The following CNOT10 variants were observed in gnomAD, a reference collection of about 807,000 sequenced individuals.
CNOT10 encodes the protein CCR4-NOT transcription complex, subunit 10.
Under a neutral mutation model 94.6 loss-of-function variants are expected in CNOT10, and 30 were observed. The ratio of observed to expected loss-of-function variants is 0.32; its 90% CI spans 0.24 to 0.43. CNOT10 has a LOEUF of 0.43. Among genes scored for constraint, CNOT10 ranks in the 20% least tolerant of loss-of-function variants. The probability of loss-of-function intolerance (pLI) is 1.00; values close to 1 mark genes in which losing one functional copy is unlikely to be tolerated. For synonymous variants in CNOT10, 289 were observed against 301.6 expected, an observed-to-expected ratio of 0.96 and a Z score of 0.43; for missense variants, 759 against 877.2, an observed-to-expected ratio of 0.87 and a Z score of 1.70.
intron 17 of CNOT10, chr3:32,769,596 C>T: frequency 3.3e-6 from 1 of 300,238 alleles, no homozygotes; most frequent in South Asian, 6.4e-5. Flanking sequence ...GATGTAATTG[C>T]AACTGTATGT....
At chr3:32,770,725 G>C (rs1184565812) in intron 18 of CNOT10, among the ~76,000 whole-genome samples, 1 of 137,706 alleles carries the variant, frequency 7.3e-6, no homozygotes, top group East Asian at 2.2e-4. Flanking sequence ...TTTCTTTTTT[G>C]AGATGGAGTC....
Position 32,685,290 on chromosome 3 carries a change from C to A in CNOT10, c.-171C>A. ...GCTGTTGCTAGACGACGGGAACTAG[C>A]TCTCGTCACTTCCTCAGCCCGCCGT... On this transcript the variant is annotated 5_prime_UTR_variant, in exon 1 of 19. Coordinates refer to ENST00000328834, the MANE Select transcript of CNOT10 (RefSeq NM_015442.3). 1 of 643,126 alleles carries A rather than the reference C, an allele frequency of 1.6e-6. No individual in the cohort carries two copies. The allele number at this position is 643,126 out of a possible 1,614,324, so 39.8% of individuals were successfully genotyped here. A position where few individuals can be genotyped will look rare whatever the true frequency, so the allele number is the denominator to read the frequency against.
At chr3:32,735,533 C>T (rs565432409) in intron 12 of CNOT10, among the ~76,000 whole-genome samples, 1 of 151,996 alleles carries the variant, frequency 6.6e-6, no homozygotes, top group South Asian at 2.1e-4. Context: ...ATGGTGAAAC[C>T]CCGTCTCTAC....
At chr3:32,702,366 C>T (rs1396320229) in intron 1 of CNOT10, among the ~76,000 whole-genome samples, 2 of 152,104 alleles carry the variant, frequency 1.3e-5, no homozygotes, top group Admixed American at 6.5e-5. Flanking sequence ...GAGATTTTTA[C>T]CTTTATTTTG....
intron 1 of CNOT10, among the ~76,000 whole-genome samples, chr3:32,691,412 C>T (rs1294887593): frequency 4.6e-5 from 7 of 152,174 alleles, no homozygotes; most frequent in East Asian, 3.9e-4. Context: ...CCACCCACCT[C>T]GACCTCCCAA....
chr3:32,761,861 C>T (rs1700461783), intron 14 of CNOT10, among the ~76,000 whole-genome samples: 1 of 147,858 alleles, frequency 6.8e-6, no homozygotes, highest in South Asian at 2.2e-4. Context: ...CAGCTTCCAT[C>T]TCCCGGGTTC....
chr3:32,770,070 A>G (rs775098738), intron 18 of CNOT10, 108 bp downstream of exon 18: 5 of 801,146 alleles, frequency 6.2e-6, no homozygotes, highest in African/African-American at 1.7e-5. Flanking sequence ...CAGTGGTACC[A>G]TCAGAGCTCA....
At chr3:32,764,432 G>A in intron 15 of CNOT10, 23 bp from the exon 16 acceptor site, 1 of 1,613,082 alleles carries the variant, frequency 6.2e-7, no homozygotes. Context: ...CTGCCCCTCA[G>A]ATTTATTTTC....
intron 13 of CNOT10, among the ~76,000 whole-genome samples, chr3:32,737,983 C>T (rs1397885744): frequency 1.3e-5 from 2 of 152,088 alleles, no homozygotes; most frequent in Non-Finnish European, 2.9e-5. Flanking sequence ...GGAATAAGTG[C>T]TTCTATATCC....
intron 13 of CNOT10, 33 bp from the exon 14 acceptor site, chr3:32,759,424 TG>T: frequency 7.3e-7 from 1 of 1,364,232 alleles, no homozygotes; most frequent in Non-Finnish European, 1.0e-6. Context: ...ATGTTTAAAA[TG>T]AGATTTTCGG....
intron 1 of CNOT10, among the ~76,000 whole-genome samples, chr3:32,688,002 T>G (rs375163176): frequency 6.6e-6 from 1 of 152,168 alleles, no homozygotes; most frequent in Non-Finnish European, 1.5e-5. Flanking sequence ...GTGTGTGTGT[T>G]CTTCATCAGG....
chr3:32,699,823 A>T (rs1385917627), intron 1 of CNOT10, among the ~76,000 whole-genome samples: 1 of 152,060 alleles, frequency 6.6e-6, no homozygotes, highest in Non-Finnish European at 1.5e-5. Flanking sequence ...AACCAGTGTG[A>T]TTCTTGACAA....
intron 1 of CNOT10, among the ~76,000 whole-genome samples, chr3:32,695,131 C>T (rs942675361): frequency 1.3e-5 from 2 of 152,126 alleles, no homozygotes; most frequent in African/African-American, 2.4e-5. Context: ...CTTTGGGCTG[C>T]GAAGTGTGTG....
At chr3:32,702,142 C>T (rs1697381951) in intron 1 of CNOT10, among the ~76,000 whole-genome samples, 1 of 148,030 alleles carries the variant, frequency 6.8e-6, no homozygotes, top group South Asian at 2.2e-4. Context: ...GTCGCCCAGG[C>T]TGGAGTGAAG....
chr3:32,741,532 G>C lies in CNOT10; in HGVS notation c.1595+4042G>C, dbSNP rs543095191. ...CGTCTGTAATCCCAGCACTTAGGGC[G>C]GCCGAGGCGAGCGGATCACGAGGTC... On this transcript the variant is annotated intron_variant, in intron 13 of 18. Coordinates refer to ENST00000328834, the MANE Select transcript of CNOT10 (RefSeq NM_015442.3). Among the ~76,000 whole-genome samples, 245 of 152,184 alleles carry C rather than the reference G, an allele frequency of 1.6e-3. 1 individual carries two copies. The highest frequency in any genetic ancestry group is 5.7e-3 in the African/African-American group (238 of 41,536).
intron 14 of CNOT10, among the ~76,000 whole-genome samples, chr3:32,759,818 T>TG (rs1700367454): frequency 6.6e-6 from 1 of 152,148 alleles, no homozygotes; most frequent in African/African-American, 2.4e-5. Flanking sequence ...CTGCAGCACT[T>TG]TAATTCTCCA....
chr3:32,720,252 T>C, intron 8 of CNOT10, 21 bp downstream of exon 8: 1 of 1,355,028 alleles, frequency 7.4e-7, no homozygotes, highest in Non-Finnish European at 1.0e-6. Context: ...ATTGTGAAAT[T>C]TTAACTTTTT....
At chr3:32,740,861 T>TAAAAA (rs35227726) in intron 13 of CNOT10, among the ~76,000 whole-genome samples, 1 of 137,244 alleles carries the variant, frequency 7.3e-6, no homozygotes, top group African/African-American at 2.8e-5. Flanking sequence ...GACTCCGTCT[T>TAAAAA]AAAAAAAAAA....
In CNOT10 at chr3:32,692,630, C is replaced by T. The variant is rs568731027; in HGVS notation, c.22+7148C>T. Among the ~76,000 whole-genome samples the T allele has an allele frequency of 2.6e-5, 4 of 152,212 alleles. No homozygotes were observed. In the South Asian group the frequency reaches 6.2e-4, roughly 24 times the overall value. ...GTAATTTATGGAGTAATTGGCATTT[C>T]GTAAATATCCACTGTTGTTGATTCT... On this transcript the variant is annotated intron_variant, in intron 1 of 18. Transcript: ENST00000328834.
Sources: gnomAD v4.1 joint callset for allele counts (sites outside exome capture counted in the v4.1 genomes callset) on GRCh38, gnomAD v4.1.1 for gene constraint, MANE v1.5 for transcripts, NCBI Gene and HGNC (gene_info 2026-07-23, HGNC 2026-07-21) for gene names.